The following SLC34A1 variants were observed in gnomAD, a reference collection of about 807,000 sequenced individuals.
SLC34A1 encodes solute carrier family 34 member 1.
In SLC34A1, 57 loss-of-function variants were observed where a neutral mutation model predicts 51.4. That is an observed-to-expected ratio of 1.11 (90% CI 0.90 to 1.38). SLC34A1 has a LOEUF of 1.38. SLC34A1 is among the 40% of genes most tolerant of loss of function. The pLI, the probability that SLC34A1 is intolerant of heterozygous loss-of-function variation, is 0.00. For synonymous variants in SLC34A1, 368 were observed against 358.0 expected (o/e 1.03, Z -0.32); for missense variants, 796 against 835.6 (o/e 0.95, Z 0.58).
chr5:177,398,260 G>A lies in SLC34A1; in HGVS notation c.1894G>A (p.Ala632Thr). ...ATPSPRLALP[A>T]HHNATRL ...ACCCTCCCCCCGTCTTGCACTGCCT[G>A]CTCACCACAATGCCACCCGCCTCTA... Residue 632 changes from alanine to threonine, a missense_variant, in exon 13 of 13, where the codon GCT becomes ACT. Transcript: ENST00000324417. The surrounding 1 kb of genome is among the most constrained non-coding windows in gnomAD (Gnocchi z 4.7). The A allele has an allele frequency of 1.3e-6, 2 of 1,599,150 alleles. No individual in the cohort carries two copies. The highest frequency in any genetic ancestry group is 1.7e-6 in the Non-Finnish European group (2 of 1,179,926).
chr5:177,394,753 G>C (rs992804819), intron 10 of SLC34A1, among the ~76,000 whole-genome samples: 1 of 146,582 alleles, frequency 6.8e-6, no homozygotes, highest in African/African-American at 2.6e-5. Context: ...GAGTGCAATG[G>C]CATGATCTTG....
Position 177,386,366 on chromosome 5 carries a change from G to A in SLC34A1, c.388+17G>A, listed in dbSNP as rs1762572634. The A allele has an allele frequency of 2.5e-6, 4 of 1,614,244 alleles. No individual in the cohort carries two copies. Among genetic ancestry groups the A allele is most frequent in the Non-Finnish European group, 3.4e-6 (4 of 1,180,044 alleles). On this transcript the variant is annotated intron_variant, in intron 4 of 12. Transcript: ENST00000324417. This position sits in a 1 kb window ranked among gnomAD's most constrained non-coding sequence, Gnocchi z 4.8. The stretch of plus-strand genomic sequence containing the variant: ...TGGCTGGAGGTAGGGCCCGGGTGGA[G>A]GAGACCTGGGAGGGGTTCCTGAAGG...
intron 1 of SLC34A1, among the ~76,000 whole-genome samples, chr5:177,385,297 C>T (rs761758431): frequency 9.2e-5 from 14 of 152,228 alleles, no homozygotes; most frequent in Non-Finnish European, 1.6e-4. Flanking sequence ...ACAGGCTGGG[C>T]GTCCTCAGTT....
intron 5 of SLC34A1, among the ~76,000 whole-genome samples, chr5:177,387,185 ACG>A (rs775958845): frequency 6.6e-6 from 1 of 151,674 alleles, no homozygotes; most frequent in Non-Finnish European, 1.5e-5. Flanking sequence ...CCTGGCTAAC[ACG>A]GTGAAACCCT....
chr5:177,397,150 A>C (rs1762998665), intron 12 of SLC34A1, 76 bp downstream of exon 12: 3 of 1,553,752 alleles, frequency 1.9e-6, no homozygotes, highest in Admixed American at 1.9e-5. Flanking sequence ...AAGGTGTGAC[A>C]ACATGGAACA....
chr5:177,395,590 C>G (rs1762931059), intron 10 of SLC34A1, among the ~76,000 whole-genome samples: 1 of 152,118 alleles, frequency 6.6e-6, no homozygotes, highest in African/African-American at 2.4e-5. Flanking sequence ...CATGAGCACT[C>G]AGAAGACTTG....
chr5:177,387,873 G>A lies in SLC34A1; in HGVS notation c.644G>A (p.Arg215Gln), dbSNP rs1163121743. 81 of 1,611,850 alleles carry A rather than the reference G, an allele frequency of 5.0e-5. No individual in the cohort carries two copies. The highest frequency in any genetic ancestry group is 8.3e-5 in the Admixed American group (5 of 59,952). The change falls in exon 6 of 13, where the codon CGG (arginine) becomes CAG (glutamine). Residue 215 changes from arginine to glutamine, a missense_variant and splice_region_variant. Arg to Gln is a conservative substitution (Grantham distance 43, BLOSUM62 1). Coordinates refer to ENST00000324417, the MANE Select transcript of SLC34A1 (RefSeq NM_003052.5). ...MQAGDRTDFR[R>Q]AFAGATVHDC... ...GCGGGGGACAGGACTGACTTCCGGC[G>A]GTGAGGGGGGCTGGGGGTTGGGGGC...
chr5:177,391,447 G>A (rs1015652590), intron 8 of SLC34A1, among the ~76,000 whole-genome samples: 1 of 152,180 alleles, frequency 6.6e-6, no homozygotes, highest in Non-Finnish European at 1.5e-5. Context: ...TCCAGCCTTC[G>A]CAGGGTCCCA....
At chr5:177,389,242 A>G (rs1233609873) in intron 8 of SLC34A1, among the ~76,000 whole-genome samples, 1 of 152,128 alleles carries the variant, frequency 6.6e-6, no homozygotes, top group African/African-American at 2.4e-5. Context: ...CCAAACCACA[A>G]TGCACCATAT....
At chr5:177,387,455 C>G (rs1762626470) in intron 5 of SLC34A1, among the ~76,000 whole-genome samples, 1 of 152,186 alleles carries the variant, frequency 6.6e-6, no homozygotes, top group Non-Finnish European at 1.5e-5. Context: ...CACACAAGCA[C>G]AAATCTCTAT....
At position 177,388,871 on chromosome 5, in the gene SLC34A1, C is replaced by T. The variant is rs1311055628; in HGVS notation, c.936+499C>T. ...CGTGCCAGAGCTTATCCTACCATGT[C>T]AGGGCCTGAGCACCCTAGAGGGGTT... On this transcript the variant is annotated intron_variant, in intron 8 of 12. Coordinates refer to ENST00000324417, the MANE Select transcript of SLC34A1 (RefSeq NM_003052.5). This position sits in a 1 kb window ranked among gnomAD's most constrained non-coding sequence, Gnocchi z 4.3. Among the ~76,000 whole-genome samples, 1 of 152,190 alleles carries T rather than the reference C, an allele frequency of 6.6e-6. No homozygotes were observed. The highest frequency in any genetic ancestry group is 1.5e-5 in the Non-Finnish European group (1 of 68,036).
intron 1 of SLC34A1, 55 bp from the exon 2 acceptor site, chr5:177,385,640 G>T: frequency 1.2e-6 from 1 of 820,848 alleles, no homozygotes. Context: ...ATGGGGGTTT[G>T]TGCAGGTGAG....
At position 177,396,347 on chromosome 5, in the gene SLC34A1, C is replaced by T. The variant is rs929744630; in HGVS notation, c.1175-386C>T. Among the ~76,000 whole-genome samples, 1 of 152,212 alleles carries T rather than the reference C, an allele frequency of 6.6e-6. No individual in the cohort carries two copies. The highest frequency in any genetic ancestry group is 2.1e-4 in the South Asian group (1 of 4,830). ...AGCCAGGCTGAGAAAGGCCTTCAAT[C>T]CAGGAGCAAAGAGGCCAAGTGGAAG... On this transcript the variant is annotated intron_variant, in intron 10 of 12. Transcript: ENST00000324417. The surrounding 1 kb of genome is among the most constrained non-coding windows in gnomAD (Gnocchi z 4.0).
chr5:177,384,879 AG>A (rs1762504505), intron 1 of SLC34A1, among the ~76,000 whole-genome samples: 1 of 148,612 alleles, frequency 6.7e-6, no homozygotes, highest in Non-Finnish European at 1.5e-5. Context: ...AAAAAAAAAA[AG>A]GACTCCTGCT....
chr5:177,395,381 C>G (rs1361701865), intron 10 of SLC34A1, among the ~76,000 whole-genome samples: 1 of 152,082 alleles, frequency 6.6e-6, no homozygotes, highest in Non-Finnish European at 1.5e-5. Flanking sequence ...GGATGAAGAG[C>G]ACTCTGGGTG....
At chr5:177,392,296 T>G (rs1762832472) in intron 8 of SLC34A1, among the ~76,000 whole-genome samples, 1 of 152,094 alleles carries the variant, frequency 6.6e-6, no homozygotes, top group South Asian at 2.1e-4. Flanking sequence ...ACCCCATCTC[T>G]ACTAAAAATA....
intron 8 of SLC34A1, among the ~76,000 whole-genome samples, chr5:177,391,795 T>TC (rs1008259652): frequency 1.3e-5 from 2 of 152,090 alleles, no homozygotes; most frequent in African/African-American, 4.8e-5. Context: ...TTAAACACAT[T>TC]CCCCCTGTAA....
Position 177,398,515 on chromosome 5 carries a change from G to C in SLC34A1, c.*229G>C. ...GTGTAGAAGCTTGTATTTGTGTACAGGTGTGCCAGCCCATGCAGGTGTACA... is the reference window on the plus strand; with the variant it reads ...GTGTAGAAGCTTGTATTTGTGTACACGTGTGCCAGCCCATGCAGGTGTACA... On this transcript the variant is annotated 3_prime_UTR_variant, in exon 13 of 13. Transcript: ENST00000324417. The surrounding 1 kb of genome is among the most constrained non-coding windows in gnomAD (Gnocchi z 4.7). The C allele has an allele frequency of 1.6e-6, 1 of 624,226 alleles. No homozygotes were observed. The allele number at this position is 624,226 out of a possible 1,614,324, so 38.7% of individuals were successfully genotyped here.
chr5:177,397,623 C>G, intron 12 of SLC34A1, 160 bp from the exon 13 acceptor site: 1 of 872,006 alleles, frequency 1.1e-6, no homozygotes, highest in Non-Finnish European at 1.8e-6. Flanking sequence ...GCCAGCATAG[C>G]CACCTCGGGG....
Sources: gnomAD v4.1 joint callset for allele counts (sites outside exome capture counted in the v4.1 genomes callset) on GRCh38, gnomAD v4.1.1 for gene constraint, Gnocchi (gnomAD v3.1) non-coding constraint, MANE v1.5 for transcripts, NCBI Gene and HGNC (gene_info 2026-07-23, HGNC 2026-07-21) for gene names.